The following LRFN5 variants were observed in gnomAD, a reference collection of about 807,000 sequenced individuals.
The protein encoded by LRFN5 is leucine rich repeat and fibronectin type III domain containing 5.
Under a neutral mutation model 45.6 loss-of-function variants are expected in LRFN5, and 24 were observed. The observed-to-expected ratio is 0.53, with a 90% CI of 0.38 to 0.74. LRFN5 has a LOEUF of 0.74. Among genes scored for constraint, LRFN5 ranks in the 30% least tolerant of loss-of-function variants. The pLI is 0.00. For synonymous variants in LRFN5, 340 were observed against 313.8 expected (o/e 1.08, Z -0.88); for missense variants, 776 against 861.5 (o/e 0.90, Z 1.24).
Position 41,646,239 on chromosome 14 carries a change from G to T in LRFN5, c.-197+37677G>T, listed in dbSNP as rs1231487813. Among the ~76,000 whole-genome samples, 3 of 152,110 alleles carry T rather than the reference G, an allele frequency of 2.0e-5. No homozygotes were observed. In the South Asian group the frequency reaches 6.2e-4, roughly 32 times the overall value. ...TCCAGCATAATTTGTAACCCTTAAT[G>T]AAATGATTTTTAATCTCCTATCCCA... On this transcript the variant is annotated intron_variant, in intron 1 of 5. Coordinates refer to ENST00000298119, the MANE Select transcript of LRFN5 (RefSeq NM_152447.5).
At chr14:41,833,924 A>G (rs541692902) in intron 2 of LRFN5, among the ~76,000 whole-genome samples, 22 of 152,218 alleles carry the variant, frequency 1.4e-4, no homozygotes, top group Middle Eastern at 6.3e-3. Flanking sequence ...TGAATCTGAT[A>G]GCTGAAGTGA....
chr14:41,649,749 C>G (rs1262458861), intron 1 of LRFN5, among the ~76,000 whole-genome samples: 1 of 152,048 alleles, frequency 6.6e-6, no homozygotes, highest in Admixed American at 6.6e-5. Flanking sequence ...TTCTCCTTAC[C>G]CCTGACGTTT....
At chr14:41,894,712 T>G in intron 4 of LRFN5, 3 of 985,150 alleles carry the variant, frequency 3.0e-6, no homozygotes, top group African/African-American at 3.5e-5. Flanking sequence ...TAATTGTTGC[T>G]TAGATGAATG....
chr14:41,617,086 C>G (rs1682597839), intron 1 of LRFN5, among the ~76,000 whole-genome samples: 1 of 152,078 alleles, frequency 6.6e-6, no homozygotes, highest in Non-Finnish European at 1.5e-5. Flanking sequence ...GAATGAAAGT[C>G]TAAGGCTTCA....
At chr14:41,757,223 C>G (rs186553052) in intron 1 of LRFN5, among the ~76,000 whole-genome samples, 1,994 of 152,298 alleles carry the variant, frequency 0.013, 14 homozygotes, top group Middle Eastern at 0.037. Context: ...CTTGAGGAGG[C>G]AGTCTGTTTG....
chr14:41,868,546 A>T (rs948947222), intron 2 of LRFN5, among the ~76,000 whole-genome samples: 14 of 152,130 alleles, frequency 9.2e-5, no homozygotes, highest in African/African-American at 3.4e-4. Flanking sequence ...CATAAATATG[A>T]GTCCCTGTTC....
intron 4 of LRFN5, among the ~76,000 whole-genome samples, chr14:41,896,217 T>C (rs1176748972): frequency 6.6e-6 from 1 of 152,184 alleles, no homozygotes; most frequent in Non-Finnish European, 1.5e-5. Flanking sequence ...ATCTTTTGGG[T>C]AGAATTGTGA....
chr14:41,746,381 A>G (rs1467046239), intron 1 of LRFN5, among the ~76,000 whole-genome samples: 1 of 152,058 alleles, frequency 6.6e-6, no homozygotes, highest in Non-Finnish European at 1.5e-5. Context: ...CAAAAAATAC[A>G]GAAATATCAT....
intron 2 of LRFN5, among the ~76,000 whole-genome samples, chr14:41,827,021 A>G (rs117406582): frequency 0.021 from 3,160 of 152,166 alleles, 39 homozygotes; most frequent in Middle Eastern, 0.037. Context: ...GTAATTTTCC[A>G]TCATCTCATA....
At chr14:41,850,823 C>T (rs929805037) in intron 2 of LRFN5, among the ~76,000 whole-genome samples, 1 of 151,538 alleles carries the variant, frequency 6.6e-6, no homozygotes, top group Non-Finnish European at 1.5e-5. Flanking sequence ...GAGACTATTT[C>T]CTGAAAGTTA....
chr14:41,647,297 G>A (rs1394450837), intron 1 of LRFN5, among the ~76,000 whole-genome samples: 1 of 152,106 alleles, frequency 6.6e-6, no homozygotes, highest in Non-Finnish European at 1.5e-5. Flanking sequence ...CCCATATAAT[G>A]AAGACCCAGC....
At chr14:41,849,339 C>T (rs1889182685) in intron 2 of LRFN5, among the ~76,000 whole-genome samples, 1 of 151,914 alleles carries the variant, frequency 6.6e-6, no homozygotes, top group Non-Finnish European at 1.5e-5. Context: ...AACTGTCTTC[C>T]ACTCTATGGT....
intron 2 of LRFN5, among the ~76,000 whole-genome samples, chr14:41,862,180 G>A (rs1444470795): frequency 1.3e-5 from 2 of 152,106 alleles, no homozygotes; most frequent in Admixed American, 1.3e-4. Flanking sequence ...CCAAGTCTTA[G>A]GTAGTTCTTT....
At chr14:41,753,506 G>T (rs1885231839) in intron 1 of LRFN5, among the ~76,000 whole-genome samples, 1 of 151,884 alleles carries the variant, frequency 6.6e-6, no homozygotes, top group South Asian at 2.1e-4. Flanking sequence ...GGATTCCTAG[G>T]TATTTTATTC....
intron 1 of LRFN5, among the ~76,000 whole-genome samples, chr14:41,656,023 G>A (rs1566606217): frequency 6.6e-6 from 1 of 151,938 alleles, no homozygotes; most frequent in South Asian, 2.1e-4. Context: ...TAGATTTCAA[G>A]TTGAGTGTAA....
chr14:41,674,379 T>C (rs1217629458), intron 1 of LRFN5, among the ~76,000 whole-genome samples: 5 of 131,738 alleles, frequency 3.8e-5, no homozygotes, highest in Admixed American at 1.4e-4. Context: ...GGCGGGGGGC[T>C]GACCCCCCCA....
At chr14:41,884,389 T>C (rs916850720) in intron 2 of LRFN5, among the ~76,000 whole-genome samples, 1 of 152,184 alleles carries the variant, frequency 6.6e-6, no homozygotes, top group Non-Finnish European at 1.5e-5. Flanking sequence ...TTGATAATGA[T>C]CATTTTTATT....
chr14:41,638,827 T>G (rs1164232335), intron 1 of LRFN5, among the ~76,000 whole-genome samples: 2 of 152,094 alleles, frequency 1.3e-5, no homozygotes, highest in African/African-American at 4.8e-5. Context: ...TTAACATCAT[T>G]AAATATTTTA....
chr14:41,789,287 G>A (rs1187548478), intron 2 of LRFN5, among the ~76,000 whole-genome samples: 2 of 151,712 alleles, frequency 1.3e-5, no homozygotes, highest in African/African-American at 2.4e-5. Context: ...TTTAAATTTT[G>A]TTCCAACTAT....
Sources: gnomAD v4.1 joint callset for allele counts (sites outside exome capture counted in the v4.1 genomes callset) on GRCh38, gnomAD v4.1.1 for gene constraint, MANE v1.5 for transcripts, NCBI Gene and HGNC (gene_info 2026-07-23, HGNC 2026-07-21) for gene names.